WWP1: variants seen among roughly 807,000 people sequenced by gnomAD.
WWP1 encodes NEDD4-like E3 ubiquitin-protein ligase WWP1.
WWP1 carries 49 observed loss-of-function variants against 130.6 expected under a neutral mutation model. The ratio of observed to expected loss-of-function variants is 0.38; its 90% CI spans 0.30 to 0.48. The LOEUF (loss-of-function observed/expected upper bound fraction) is 0.48, where lower values mean the gene tolerates loss of function less well. Ranked by LOEUF, WWP1 falls within the 20% of genes least tolerant of loss-of-function variation. WWP1 has a pLI of 0.99. For synonymous variants in WWP1, 332 were observed against 367.8 expected (o/e 0.90, Z 1.11); for missense variants, 809 against 1,100.6 (o/e 0.74, Z 3.75).
rs34458424 is a variant in WWP1, at chr8:86,372,017, A to ATTTT, written c.-21-1992_-21-1989dup. Among the ~76,000 whole-genome samples, 130 of 70,200 alleles carry ATTTT rather than the reference A, an allele frequency of 1.9e-3. 4 individuals carry two copies. The highest frequency in any genetic ancestry group is 5.6e-3 in the African/African-American group (94 of 16,784). The allele number at this position is 70,200 out of a possible 152,430, so 46.1% of individuals were successfully genotyped here. Reference sequence around the variant, plus strand: ...ACCACCACGCCTGGCTAATTTTTGTATTTTTTTTTTTTTTTTTTTTTTTTG... The same window carrying ATTTT: ...ACCACCACGCCTGGCTAATTTTTGTATTTTTTTTTTTTTTTTTTTTTTTTTTTTG... On this transcript the variant is annotated intron_variant, in intron 2 of 24. Transcript: ENST00000517970.
chr8:86,354,483 T>C (rs1328512662), intron 1 of WWP1, among the ~76,000 whole-genome samples: 3 of 152,114 alleles, frequency 2.0e-5, no homozygotes, highest in Non-Finnish European at 2.9e-5. Flanking sequence ...GGATAAAGGA[T>C]TGTGTCCCTG....
At chr8:86,345,313 T>C (rs1309178907) in intron 1 of WWP1, among the ~76,000 whole-genome samples, 1 of 152,182 alleles carries the variant, frequency 6.6e-6, no homozygotes, top group African/African-American at 2.4e-5. Flanking sequence ...GCCTGGAAAA[T>C]TTCCATATGC....
At chr8:86,453,329 T>C (rs1279447386) in intron 21 of WWP1, among the ~76,000 whole-genome samples, 30 of 152,160 alleles carry the variant, frequency 2.0e-4, no homozygotes, top group Admixed American at 1.6e-3. Flanking sequence ...CAGCCTAATA[T>C]CCTCAAGGTT....
At chr8:86,389,779 G>A (rs966327055) in intron 5 of WWP1, among the ~76,000 whole-genome samples, 44 of 143,356 alleles carry the variant, frequency 3.1e-4, no homozygotes, top group African/African-American at 1.1e-3. Flanking sequence ...GCGGCTGCCC[G>A]GCGGAGGCCG....
intron 16 of WWP1, among the ~76,000 whole-genome samples, chr8:86,436,125 A>G (rs1445030240): frequency 1.3e-5 from 2 of 152,206 alleles, no homozygotes; most frequent in Non-Finnish European, 2.9e-5. Context: ...CCTTTGAGAT[A>G]GCACTTATTG....
Position 86,452,638 on chromosome 8 carries a change from C to T in WWP1, c.2353C>T (p.Pro785Ser), listed in dbSNP as rs905606341. The change falls in exon 21 of 25, where the codon CCT becomes TCT. Residue 785 changes from proline to serine, a missense_variant. Pro to Ser is a moderately conservative substitution (Grantham distance 74). Transcript: ENST00000517970. ...CCTTGATGGTTTTAATGAAGTTGTT[C>T]CTCTTCAGTGGCTACAGTACTTCGA... ...AFLDGFNEVV[P>S]LQWLQYFDEK... is the part of the protein sequence containing the mutation. 6.2e-7 allele frequency: 1 copy of T among 1,613,106 alleles called. No homozygotes were observed. The highest frequency in any genetic ancestry group is 1.3e-5 in the African/African-American group (1 of 74,822).
At chr8:86,374,539 G>A (rs1249386640) in intron 3 of WWP1, among the ~76,000 whole-genome samples, 1 of 152,074 alleles carries the variant, frequency 6.6e-6, no homozygotes, top group African/African-American at 2.4e-5. Context: ...TTTCTAGGAG[G>A]TTTCAGTTAA....
chr8:86,420,742 A>G (rs1489737307), intron 9 of WWP1, among the ~76,000 whole-genome samples: 1 of 152,212 alleles, frequency 6.6e-6, no homozygotes, highest in Non-Finnish European at 1.5e-5. Flanking sequence ...AGTCTCACAG[A>G]CTGTATGACT....
intron 5 of WWP1, among the ~76,000 whole-genome samples, chr8:86,384,587 G>A (rs1825174512): frequency 6.6e-6 from 1 of 152,112 alleles, no homozygotes; most frequent in African/African-American, 2.4e-5. Context: ...ATAAATGATA[G>A]CATTCTTGGT....
At chr8:86,410,538 C>T (rs1053554224) in intron 8 of WWP1, among the ~76,000 whole-genome samples, 1 of 152,052 alleles carries the variant, frequency 6.6e-6, no homozygotes, top group Non-Finnish European at 1.5e-5. Flanking sequence ...GTTAAAAATG[C>T]AGATCCCCAG....
intron 18 of WWP1, among the ~76,000 whole-genome samples, chr8:86,447,137 C>T (rs553882878): frequency 6.6e-6 from 1 of 152,172 alleles, no homozygotes; most frequent in Non-Finnish European, 1.5e-5. Flanking sequence ...GAGCAGTCAG[C>T]TTGGTTGTTT....
chr8:86,452,518 C>G, intron 20 of WWP1, 41 bp from the exon 21 acceptor site: 1 of 1,532,896 alleles, frequency 6.5e-7, no homozygotes, highest in South Asian at 1.2e-5. Context: ...TTTTACTTCA[C>G]ATATAAATTA....
chr8:86,345,268 C>T (rs1447454716), intron 1 of WWP1, among the ~76,000 whole-genome samples: 2 of 152,174 alleles, frequency 1.3e-5, no homozygotes, highest in East Asian at 3.8e-4. Context: ...TACTTTACAA[C>T]TTTTTGGAGA....
chr8:86,382,103 A>G (rs1379725377), intron 5 of WWP1, among the ~76,000 whole-genome samples: 1 of 152,148 alleles, frequency 6.6e-6, no homozygotes, highest in Non-Finnish European at 1.5e-5. Flanking sequence ...ATCCAAGGAT[A>G]ACCAATCTTA....
In WWP1 at chr8:86,373,983, A is replaced by G. The variant is rs1307242085; in HGVS notation, c.-21-47A>G. 7.8e-6 allele frequency: 11 copies of G among 1,411,188 alleles called. No individual in the cohort carries two copies. In the East Asian group the frequency reaches 2.6e-4, roughly 33 times the overall value. The allele number at this position is 1,411,188 out of a possible 1,614,324, so 87.4% of individuals were successfully genotyped here. A position where few individuals can be genotyped will look rare whatever the true frequency, so the allele number is the denominator to read the frequency against. ...AAGTAGTTTTAATATCTTGAAAATT[A>G]CAAACTCTTATCTAACACATGAATA... On this transcript the variant is annotated intron_variant, in intron 2 of 24. Coordinates refer to ENST00000517970, the MANE Select transcript of WWP1 (RefSeq NM_007013.4).
At chr8:86,364,863 AGAAAG>A (rs1401821495) in intron 1 of WWP1, among the ~76,000 whole-genome samples, 7 of 150,298 alleles carry the variant, frequency 4.7e-5, no homozygotes, top group Non-Finnish European at 1.0e-4. Flanking sequence ...GAGAGAAAGA[AGAAAG>A]AGAGAAAGAA....
chr8:86,354,215 A>G (rs925407716), intron 1 of WWP1, among the ~76,000 whole-genome samples: 1 of 152,230 alleles, frequency 6.6e-6, no homozygotes, highest in South Asian at 2.1e-4. Context: ...TTTTCAGTAC[A>G]TATTCACTAG....
At chr8:86,402,238 G>A in intron 8 of WWP1, 35 bp downstream of exon 8, 1 of 1,598,564 alleles carries the variant, frequency 6.3e-7, no homozygotes. Context: ...TTGTTTAAAG[G>A]AAAAGTAAAT....
At chr8:86,402,855 A>C (rs1490954073) in intron 8 of WWP1, among the ~76,000 whole-genome samples, 2 of 152,236 alleles carry the variant, frequency 1.3e-5, no homozygotes, top group Non-Finnish European at 2.9e-5. Context: ...AGTAAAAGTG[A>C]GTAATGAATG....
Sources: gnomAD v4.1 joint callset for allele counts (sites outside exome capture counted in the v4.1 genomes callset) on GRCh38, gnomAD v4.1.1 for gene constraint, MANE v1.5 for transcripts, NCBI Gene and HGNC (gene_info 2026-07-23, HGNC 2026-07-21) for gene names.